GLIS3: variants seen among roughly 807,000 people sequenced by gnomAD.
The protein encoded by GLIS3 is GLIS family zinc finger 3.
In GLIS3, 53 loss-of-function variants were observed where a neutral mutation model predicts 78.6. The observed-to-expected ratio is 0.67, with a 90% CI of 0.54 to 0.85. The LOEUF is 0.85. Among genes scored for constraint, GLIS3 ranks in the 40% least tolerant of loss-of-function variants. The probability of loss-of-function intolerance (pLI) is 0.00; values close to 1 mark genes in which losing one functional copy is unlikely to be tolerated. For missense variants in GLIS3, 1,703 were observed against 1,231.1 expected (o/e 1.38, Z -5.74); for synonymous variants, 684 against 509.9 (o/e 1.34, Z -4.60).
At chr9:4,458,339 G>A in the GLIS3 span, among the ~76,000 whole-genome samples, 16 of 152,224 alleles carry the variant, frequency 1.1e-4, no homozygotes, top group Non-Finnish European at 2.4e-4. Context: ...CCCTCAAGGA[G>A]CTCTTGTGGT....
intron 6 of GLIS3, among the ~76,000 whole-genome samples, chr9:3,929,988 T>C (rs151187696): frequency 3.9e-5 from 6 of 152,304 alleles, no homozygotes; most frequent in Admixed American, 1.3e-4. Flanking sequence ...ATGTAAATAT[T>C]ACACCCTGGT....
chr9:4,331,606 C>T (rs892924130), intron 2 of GLIS3, among the ~76,000 whole-genome samples: 1 of 152,164 alleles, frequency 6.6e-6, no homozygotes, highest in African/African-American at 2.4e-5. Context: ...GGAGCCTGTA[C>T]TTGAGCGACA....
At chr9:4,471,468 T>A in the GLIS3 span, among the ~76,000 whole-genome samples, 1 of 152,182 alleles carries the variant, frequency 6.6e-6, no homozygotes, top group Non-Finnish European at 1.5e-5. Context: ...TACAATCATC[T>A]GATATTTGAC....
chr9:4,015,370 C>T (rs564816), intron 4 of GLIS3, among the ~76,000 whole-genome samples: 1 of 152,060 alleles, frequency 6.6e-6, no homozygotes, highest in African/African-American at 2.4e-5. Flanking sequence ...GGTTCTTTCA[C>T]AAAATGTTAA....
chr9:4,280,150 G>C (rs1413003644), intron 2 of GLIS3, among the ~76,000 whole-genome samples: 1 of 152,148 alleles, frequency 6.6e-6, no homozygotes, highest in Non-Finnish European at 1.5e-5. Context: ...CTCCCGCATA[G>C]CTGCGTCAAC....
At chr9:4,483,015 A>C in the GLIS3 span, among the ~76,000 whole-genome samples, 9 of 152,232 alleles carry the variant, frequency 5.9e-5, no homozygotes, top group African/African-American at 2.2e-4. Context: ...TTTTTCTTCC[A>C]GGAGCTGAGT....
chr9:4,291,700 G>A (rs1445053688), intron 1 of GLIS3, among the ~76,000 whole-genome samples: 1 of 152,094 alleles, frequency 6.6e-6, no homozygotes, highest in East Asian at 1.9e-4. Context: ...ATCAGAAGCA[G>A]CATTGAGAGC....
intron 4 of GLIS3, among the ~76,000 whole-genome samples, chr9:4,024,912 T>C (rs1038751076): frequency 6.6e-6 from 1 of 152,142 alleles, no homozygotes; most frequent in Non-Finnish European, 1.5e-5. Context: ...CCTGTCGTGT[T>C]CATCACTCGA....
intron 9 of GLIS3, among the ~76,000 whole-genome samples, chr9:3,830,779 C>A (rs919884637): frequency 6.6e-6 from 1 of 152,132 alleles, no homozygotes; most frequent in Non-Finnish European, 1.5e-5. Flanking sequence ...AAGAAATGAA[C>A]CACCTATCAA....
intron 6 of GLIS3, among the ~76,000 whole-genome samples, chr9:3,908,616 G>T (rs562838798): frequency 6.6e-6 from 1 of 151,502 alleles, no homozygotes; most frequent in African/African-American, 2.4e-5. Flanking sequence ...CAAGGTTACT[G>T]CATGCCGAAA....
Position 4,118,719 on chromosome 9 carries a change from G to A in GLIS3, c.759C>T (p.Ser253=), listed in dbSNP as rs368375343. Residue 253 remains serine (S), a synonymous_variant, in exon 4 of 11, where the codon AGC becomes AGT. Transcript: ENST00000381971. The surrounding 1 kb of genome is among the most constrained non-coding windows in gnomAD (Gnocchi z 4.7). ...QNGLDLGDLL[S]LPPGTSMSSN... ...TGGACATGGATGTCCCGGGAGGAAG[G>A]CTAAGGAGATCCCCTAGATCAAGGC... The A allele has an allele frequency of 2.7e-4, 443 of 1,613,948 alleles. No individual in the cohort carries two copies. Among genetic ancestry groups the A allele is most frequent in the Non-Finnish European group, 3.7e-4 (434 of 1,180,026 alleles).
At chr9:3,856,232 G>A (rs764745470) in intron 8 of GLIS3, 48 bp from the exon 9 acceptor site, 8 of 1,553,348 alleles carry the variant, frequency 5.2e-6, no homozygotes, top group Admixed American at 3.7e-5. Context: ...AAAACAGCAG[G>A]AACAAAGACA....
chr9:4,096,956 G>A (rs1159761181), intron 4 of GLIS3, among the ~76,000 whole-genome samples: 1 of 152,144 alleles, frequency 6.6e-6, no homozygotes, highest in Non-Finnish European at 1.5e-5. Flanking sequence ...AGGTGGCAGT[G>A]AGCCGAGATC....
chr9:4,316,092 C>G (rs1817433244), intron 2 of GLIS3, among the ~76,000 whole-genome samples: 1 of 152,158 alleles, frequency 6.6e-6, no homozygotes, highest in African/African-American at 2.4e-5. Flanking sequence ...TGCTATTCCC[C>G]TTTATGAAGC....
chr9:4,448,798 C>T, the GLIS3 span, among the ~76,000 whole-genome samples: 1 of 152,170 alleles, frequency 6.6e-6, no homozygotes, highest in Admixed American at 6.5e-5. Context: ...TTGTTACCAG[C>T]TTACTTTGTG....
chr9:4,147,088 C>A (rs535613191), intron 2 of GLIS3, among the ~76,000 whole-genome samples: 35 of 152,140 alleles, frequency 2.3e-4, no homozygotes, highest in Non-Finnish European at 4.3e-4. Flanking sequence ...CAATTAATCT[C>A]CTCTGGCCAT....
chr9:4,037,955 GA>G (rs35261832), intron 4 of GLIS3, among the ~76,000 whole-genome samples: 2 of 150,160 alleles, frequency 1.3e-5, no homozygotes, highest in Non-Finnish European at 3.0e-5. Context: ...TCCAGGAAAG[GA>G]AAAAAAAAAT....
intron 4 of GLIS3, among the ~76,000 whole-genome samples, chr9:4,108,088 A>T (rs980260929): frequency 6.6e-6 from 1 of 152,194 alleles, no homozygotes; most frequent in African/African-American, 2.4e-5. Flanking sequence ...CTGAATCTCA[A>T]ATCCCAGAAA....
intron 4 of GLIS3, among the ~76,000 whole-genome samples, chr9:4,048,971 G>T (rs1386262428): frequency 6.6e-6 from 1 of 152,068 alleles, no homozygotes; most frequent in Non-Finnish European, 1.5e-5. Context: ...AAATTATTTG[G>T]GGATCCAACC....
Sources: gnomAD v4.1 joint callset for allele counts (sites outside exome capture counted in the v4.1 genomes callset) on GRCh38, gnomAD v4.1.1 for gene constraint, Gnocchi (gnomAD v3.1) non-coding constraint, MANE v1.5 for transcripts, NCBI Gene and HGNC (gene_info 2026-07-23, HGNC 2026-07-21) for gene names.